Variants in SLC4A1AP observed in about 807,000 individuals in gnomAD.
SLC4A1AP encodes the protein kanadaptin.
A neutral mutation model predicts 89.7 loss-of-function variants in SLC4A1AP; 64 were observed. That is an observed-to-expected ratio of 0.71 (90% confidence interval 0.58 to 0.88). The LOEUF (loss-of-function observed/expected upper bound fraction) is 0.88, where lower values mean the gene tolerates loss of function less well. SLC4A1AP is among the 40% of genes least tolerant of loss of function. The pLI is 0.00. For missense variants in SLC4A1AP, 931 were observed against 965.0 expected, an observed-to-expected ratio of 0.96 and a Z score of 0.47; for synonymous variants, 366 against 353.3, an observed-to-expected ratio of 1.04 and a Z score of -0.40.
Position 27,665,163 on chromosome 2 carries a change from A to T in SLC4A1AP, c.889A>T (p.Lys297Ter). 1 of 1,613,974 alleles carries T rather than the reference A, an allele frequency of 6.2e-7. No individual in the cohort carries two copies. Among genetic ancestry groups the T allele is most frequent in the Non-Finnish European group, 8.5e-7 (1 of 1,179,912 alleles). The change falls in exon 2 of 14, where the codon AAG (lysine) becomes TAG (stop). Residue 297 changes from lysine to a stop codon, truncating the protein, a stop_gained. Coordinates refer to ENST00000613058, the Ensembl canonical transcript of SLC4A1AP. LOFTEE classifies it high-confidence loss of function. ...AGTAACACAGTTGAAGGAATTGCGC[A>T]AGCAGCAGCAAATATTGTTGGAGAA...
At chr2:27,679,738 C>G (rs1675588010) in intron 8 of SLC4A1AP, among the ~76,000 whole-genome samples, 1 of 151,998 alleles carries the variant, frequency 6.6e-6, no homozygotes, top group African/African-American at 2.4e-5. Flanking sequence ...GTGTGTATAA[C>G]AGGCGCTGTC....
exon 1 of SLC4A1AP, chr2:27,664,128 G>A (rs775515715): frequency 6.2e-7 from 1 of 1,614,196 alleles, no homozygotes; most frequent in African/African-American, 1.3e-5. Flanking sequence ...GCCGGACTGC[G>A]GTGATTTTAG....
rs541529110 is a variant in SLC4A1AP at position 27,679,418 on chromosome 2, T to C, written c.1763+1494T>C. On this transcript the variant is annotated intron_variant, in intron 8 of 13. Coordinates refer to ENST00000613058, the Ensembl canonical transcript of SLC4A1AP. ...GAGATCGAGACCATCCTGGCTAACATGGTGAAACCCTGTCTCTACTAAAAA... is the reference window on the plus strand; with the variant it reads ...GAGATCGAGACCATCCTGGCTAACACGGTGAAACCCTGTCTCTACTAAAAA... Among the ~76,000 whole-genome samples, 44 of 152,172 alleles carry C rather than the reference T, an allele frequency of 2.9e-4. No homozygotes were observed. In the South Asian group the frequency reaches 3.3e-3, roughly 11 times the overall value.
chr2:27,676,068 G>C (rs1226508654), intron 6 of SLC4A1AP, among the ~76,000 whole-genome samples: 1 of 152,174 alleles, frequency 6.6e-6, no homozygotes, highest in African/African-American at 2.4e-5. Flanking sequence ...ATGTAGTATG[G>C]TAATATGTAG....
intron 9 of SLC4A1AP, 140 bp from the exon 10 acceptor site, chr2:27,684,897 C>T (rs1239889620): frequency 6.5e-6 from 6 of 924,696 alleles, no homozygotes; most frequent in Non-Finnish European, 9.5e-6. Context: ...GTCAAAGTCC[C>T]ACCTCCAGCA....
At chr2:27,682,456 A>G (rs1203149688) in intron 9 of SLC4A1AP, 97 bp downstream of exon 9, 14 of 689,526 alleles carry the variant, frequency 2.0e-5, no homozygotes, top group Non-Finnish European at 3.5e-5. Flanking sequence ...GACTCATTCC[A>G]TAGTAATGTG....
intron 8 of SLC4A1AP, among the ~76,000 whole-genome samples, chr2:27,680,951 T>A (rs1229856112): frequency 6.6e-6 from 1 of 152,136 alleles, no homozygotes; most frequent in Non-Finnish European, 1.5e-5. Flanking sequence ...TTTTGGATAC[T>A]GGTCTAGATG....
At chr2:27,683,240 T>A in intron 9 of SLC4A1AP, among the ~76,000 whole-genome samples, 1 of 152,228 alleles carries the variant, frequency 6.6e-6, no homozygotes, top group Non-Finnish European at 1.5e-5. Flanking sequence ...CTACAATATA[T>A]GTCTGTCTGT....
intron 9 of SLC4A1AP, 51 bp from the exon 10 acceptor site, chr2:27,684,986 C>A: frequency 1.3e-6 from 2 of 1,536,958 alleles, no homozygotes; most frequent in Non-Finnish European, 1.7e-6. Flanking sequence ...AGATTTTTCT[C>A]TTGTTGTCAT....
At chr2:27,676,323 C>T (rs1675521857) in intron 6 of SLC4A1AP, among the ~76,000 whole-genome samples, 1 of 152,158 alleles carries the variant, frequency 6.6e-6, no homozygotes, top group Non-Finnish European at 1.5e-5. Flanking sequence ...TCAGCAATTG[C>T]ACTTCAAGGA....
At position 27,685,108 on chromosome 2, in the gene SLC4A1AP, G is replaced by A. The variant is rs147641311; in HGVS notation, c.1947G>A (p.Glu649=). The stretch of plus-strand genomic sequence containing the variant: ...TGAAAGATGAGCCTGAAGTAGAAGA[G>A]GAGGAGGAAGAGGAAGAGGAAGAAG... Residue 649 remains glutamate, a synonymous_variant, in exon 10 of 14, where the codon GAG becomes GAA. Transcript: ENST00000613058. The A allele has an allele frequency of 6.3e-4, 1,015 of 1,613,526 alleles. 5 individuals carry two copies. In the African/African-American group the frequency reaches 0.012, roughly 19 times the overall value.
At chr2:27,677,912 C>T (rs1408661637) in exon 8 of SLC4A1AP, 3 of 1,592,174 alleles carry the variant, frequency 1.9e-6, no homozygotes, top group Non-Finnish European at 2.6e-6. Context: ...GCAGAGATTC[C>T]AGAACTAAAA....
chr2:27,684,756 GCTGGCACTCAT>G, intron 9 of SLC4A1AP, among the ~76,000 whole-genome samples: 1 of 152,212 alleles, frequency 6.6e-6, no homozygotes, highest in Admixed American at 6.5e-5. Flanking sequence ...AATTCCTGTA[GCTGGCACTCAT>G]CTGAAATAAC....
rs550434216 is a variant in SLC4A1AP, at chr2:27,668,243, G to C, written c.1145-600G>C. On this transcript the variant is annotated intron_variant, in intron 3 of 13. Transcript: ENST00000613058. Reference sequence around the variant, plus strand: ...GCCTCACTGCAAGCTCCGCCTTCCGGATTCACGCCATTCTCCTGCGTCAGC... The same window carrying C: ...GCCTCACTGCAAGCTCCGCCTTCCGCATTCACGCCATTCTCCTGCGTCAGC... Among the ~76,000 whole-genome samples the C allele has an allele frequency of 5.9e-5, 9 of 152,166 alleles. No individual in the cohort carries two copies. In the South Asian group the frequency reaches 1.7e-3, roughly 28 times the overall value.
intron 13 of SLC4A1AP, 126 bp from the exon 14 acceptor site, chr2:27,694,508 A>C (rs912279966): frequency 2.5e-5 from 14 of 559,170 alleles, no homozygotes; most frequent in African/African-American, 1.6e-4. Flanking sequence ...ACAAAAAGTA[A>C]AATTTCTACC....
At chr2:27,664,705 C>G in intron 1 of SLC4A1AP, 128 bp downstream of exon 1, 1 of 712,070 alleles carries the variant, frequency 1.4e-6, no homozygotes, top group Non-Finnish European at 2.4e-6. Context: ...CAAGTCTGGC[C>G]TATCATCTTC....
Position 27,674,110 on chromosome 2 carries a change from T to C in SLC4A1AP, c.1346-1422T>C, listed in dbSNP as rs529329854. Among the ~76,000 whole-genome samples, 8 of 152,246 alleles carry C rather than the reference T, an allele frequency of 5.3e-5. No homozygotes were observed. In the East Asian group the frequency reaches 1.5e-3, roughly 29 times the overall value. On this transcript the variant is annotated intron_variant, in intron 5 of 13. Coordinates refer to ENST00000613058, the Ensembl canonical transcript of SLC4A1AP. ...TACCCTGTGCTGAAAAGCTGATTGC[T>C]TACAGCCCTGAACTTAACAGTCTCT...
rs915873198 is a variant in SLC4A1AP at position 27,669,287 on chromosome 2, T to C, written c.1245T>C (p.Ala415=). The change falls in exon 5 of 14, where the codon GCT becomes GCC. Residue 415 remains alanine (A), a synonymous_variant. Coordinates refer to ENST00000613058, the Ensembl canonical transcript of SLC4A1AP. ...ATTCAACTGGAAAACAACTGGTGGC[T>C]GAGGCCATTCACTCAGGAAAGAAAA... 3.1e-6 allele frequency: 5 copies of C among 1,612,960 alleles called. No homozygotes were observed. The African/African-American group carries it at 6.7e-5, about 22-fold the overall frequency.
chr2:27,677,353 C>A, exon 7 of SLC4A1AP: 1 of 1,612,396 alleles, frequency 6.2e-7, no homozygotes, highest in Non-Finnish European at 8.5e-7. Context: ...AGATTGAAAG[C>A]CTCAAGCCAA....
Sources: gnomAD v4.1 joint callset for allele counts (sites outside exome capture counted in the v4.1 genomes callset) on GRCh38, gnomAD v4.1.1 for gene constraint, MANE v1.5 for transcripts, NCBI Gene and HGNC (gene_info 2026-07-23, HGNC 2026-07-21) for gene names.